CACNA2D3: variants seen among roughly 807,000 people sequenced by gnomAD.
CACNA2D3 encodes the protein calcium voltage-gated channel auxiliary subunit alpha2delta 3, also known as voltage-dependent calcium channel subunit alpha-2/delta-3.
A neutral mutation model predicts 160.6 loss-of-function variants in CACNA2D3; 60 were observed. The ratio of observed to expected loss-of-function variants is 0.37; its 90% CI spans 0.30 to 0.46. The LOEUF is 0.46. CACNA2D3 is among the 20% of genes least tolerant of loss of function. The pLI, the probability that CACNA2D3 is intolerant of heterozygous loss-of-function variation, is 1.00. For synonymous variants in CACNA2D3, 558 were observed against 492.9 expected (o/e 1.13, Z -1.75); for missense variants, 1,205 against 1,365.0 (o/e 0.88, Z 1.85).
intron 2 of CACNA2D3, among the ~76,000 whole-genome samples, chr3:54,210,422 T>G (rs1701352030): frequency 6.6e-6 from 1 of 150,678 alleles, no homozygotes; most frequent in Admixed American, 6.6e-5. Flanking sequence ...TGTGCAAAGT[T>G]TTTGTGTGTG....
chr3:54,711,520 G>A (rs919810223), intron 11 of CACNA2D3, among the ~76,000 whole-genome samples: 3 of 152,168 alleles, frequency 2.0e-5, no homozygotes, highest in Non-Finnish European at 4.4e-5. Flanking sequence ...AAAAGAGGGA[G>A]TTCTTCCCTA....
intron 27 of CACNA2D3, among the ~76,000 whole-genome samples, chr3:54,909,861 A>C (rs1043710178): frequency 6.6e-6 from 1 of 151,952 alleles, no homozygotes; most frequent in African/African-American, 2.4e-5. Flanking sequence ...TGAAGAAGAC[A>C]ATTCTTCTTC....
At chr3:55,032,036 G>T (rs182095592) in intron 35 of CACNA2D3, among the ~76,000 whole-genome samples, 2 of 152,150 alleles carry the variant, frequency 1.3e-5, no homozygotes, top group African/African-American at 2.4e-5. Flanking sequence ...TATGATTACT[G>T]TTTATCGAAT....
chr3:54,596,663 C>G (rs1195709486), intron 9 of CACNA2D3, among the ~76,000 whole-genome samples: 1 of 151,988 alleles, frequency 6.6e-6, no homozygotes, highest in Admixed American at 6.6e-5. Flanking sequence ...CTGGTCTCCA[C>G]CAGCTTTCTC....
chr3:55,069,959 A>G (rs1462112393), intron 35 of CACNA2D3, among the ~76,000 whole-genome samples: 1 of 152,198 alleles, frequency 6.6e-6, no homozygotes, highest in East Asian at 1.9e-4. Flanking sequence ...TTATGTCAGT[A>G]AGCTTTTAAA....
At chr3:54,368,025 T>C (rs1559462408) in intron 3 of CACNA2D3, among the ~76,000 whole-genome samples, 1 of 152,222 alleles carries the variant, frequency 6.6e-6, no homozygotes, top group African/African-American at 2.4e-5. Context: ...CTGTGACTTA[T>C]TAGAGAGCAT....
intron 25 of CACNA2D3, among the ~76,000 whole-genome samples, chr3:54,893,681 C>T (rs575765890): frequency 6.6e-6 from 1 of 152,242 alleles, no homozygotes; most frequent in African/African-American, 2.4e-5. Flanking sequence ...TTATCTCATA[C>T]TATCATCAGT....
At chr3:54,223,551 A>G (rs1420167754) in intron 2 of CACNA2D3, among the ~76,000 whole-genome samples, 1 of 152,110 alleles carries the variant, frequency 6.6e-6, no homozygotes, top group Non-Finnish European at 1.5e-5. Flanking sequence ...AATACTGTAC[A>G]CTTTATACAA....
intron 11 of CACNA2D3, among the ~76,000 whole-genome samples, chr3:54,725,864 G>T (rs1185559489): frequency 6.6e-6 from 1 of 152,178 alleles, no homozygotes; most frequent in Admixed American, 6.5e-5. Context: ...AGACAAGGGT[G>T]CCTTCTCTCA....
intron 2 of CACNA2D3, among the ~76,000 whole-genome samples, chr3:54,176,794 A>G (rs750548906): frequency 1.3e-5 from 2 of 152,012 alleles, no homozygotes; most frequent in Admixed American, 1.3e-4. Flanking sequence ...TTAGCAGTCC[A>G]TGGACTTTGC....
intron 27 of CACNA2D3, among the ~76,000 whole-genome samples, chr3:54,940,260 A>G (rs1180629048): frequency 6.6e-6 from 1 of 152,188 alleles, no homozygotes; most frequent in Non-Finnish European, 1.5e-5. Flanking sequence ...ACTATTTTCT[A>G]CTTATCCTTG....
chr3:54,985,253 G>A (rs1354690536), intron 30 of CACNA2D3, among the ~76,000 whole-genome samples: 1 of 152,082 alleles, frequency 6.6e-6, no homozygotes, highest in Non-Finnish European at 1.5e-5. Flanking sequence ...GGGGTGGGAG[G>A]GAGAGAGATG....
intron 11 of CACNA2D3, among the ~76,000 whole-genome samples, chr3:54,656,273 T>A (rs1699873264): frequency 6.6e-6 from 1 of 152,250 alleles, no homozygotes; most frequent in African/African-American, 2.4e-5. Context: ...CCTTGCATTA[T>A]TTTCTTATCT....
intron 26 of CACNA2D3, among the ~76,000 whole-genome samples, chr3:54,897,941 T>C (rs964868079): frequency 1.3e-5 from 2 of 152,252 alleles, no homozygotes; most frequent in South Asian, 4.2e-4. Flanking sequence ...CTAGATTATC[T>C]GTTAGATTCT....
chr3:54,762,498 G>T (rs549465862), intron 12 of CACNA2D3, among the ~76,000 whole-genome samples: 29 of 152,278 alleles, frequency 1.9e-4, no homozygotes, highest in African/African-American at 6.7e-4. Flanking sequence ...TGTTTACTCA[G>T]AACTGCCAGG....
At chr3:54,727,920 A>G (rs1406524283) in intron 11 of CACNA2D3, among the ~76,000 whole-genome samples, 1 of 152,082 alleles carries the variant, frequency 6.6e-6, no homozygotes, top group Non-Finnish European at 1.5e-5. Flanking sequence ...AAAAAAAGAT[A>G]TGTTCTGTCA....
chr3:54,574,498 T>C (rs745606287), intron 8 of CACNA2D3, among the ~76,000 whole-genome samples: 5 of 152,200 alleles, frequency 3.3e-5, no homozygotes, highest in Non-Finnish European at 5.9e-5. Flanking sequence ...GGCAAGGTAT[T>C]ACAAGATCTA....
At chr3:55,038,706 CAGGT>C (rs550556880) in intron 35 of CACNA2D3, among the ~76,000 whole-genome samples, 40 of 151,722 alleles carry the variant, frequency 2.6e-4, no homozygotes, top group Admixed American at 3.3e-4. Context: ...ATCAACAAAA[CAGGT>C]AGAACAGTTC....
At chr3:54,375,709 C>T (rs752831628) in intron 3 of CACNA2D3, among the ~76,000 whole-genome samples, 6 of 151,946 alleles carry the variant, frequency 3.9e-5, no homozygotes, top group African/African-American at 7.3e-5. Context: ...GGGAGTGCTG[C>T]CATCAGAATT....
Sources: allele counts gnomAD v4.1 joint callset (sites outside exome capture counted in the v4.1 genomes callset), GRCh38; gene constraint gnomAD v4.1.1; transcripts MANE v1.5; gene names NCBI Gene and HGNC (gene_info 2026-07-23, HGNC 2026-07-21).